Variants in USP31 observed in about 807,000 individuals in gnomAD.
USP31 encodes ubiquitin specific peptidase 31.
USP31 carries 44 observed loss-of-function variants against 119.4 expected under a neutral mutation model. The observed-to-expected ratio is 0.37, with a 90% CI of 0.29 to 0.47. The LOEUF is 0.47. USP31 is among the 20% of genes least tolerant of loss of function. The pLI, the probability that USP31 is intolerant of heterozygous loss-of-function variation, is 0.99. For synonymous variants in USP31, 749 were observed against 705.6 expected (o/e 1.06, Z -0.97); for missense variants, 1,643 against 1,730.2 (o/e 0.95, Z 0.89).
At chr16:23,083,365 A>C (rs1900924515) in intron 11 of USP31, among the ~76,000 whole-genome samples, 1 of 152,162 alleles carries the variant, frequency 6.6e-6, no homozygotes. Context: ...TACAAACAGC[A>C]TGAAGGCAAA....
chr16:23,127,389 A>G (rs1269137579), intron 1 of USP31, among the ~76,000 whole-genome samples: 1 of 152,130 alleles, frequency 6.6e-6, no homozygotes, highest in African/African-American at 2.4e-5. Flanking sequence ...ACTGAACTCC[A>G]CCCTGGGCGA....
At chr16:23,123,238 T>C (rs1185818726) in intron 1 of USP31, among the ~76,000 whole-genome samples, 1 of 152,158 alleles carries the variant, frequency 6.6e-6, no homozygotes, top group East Asian at 1.9e-4. Flanking sequence ...GCATACTTCG[T>C]TCAAAAAGTT....
At chr16:23,086,444 A>G (rs893994642) in intron 9 of USP31, among the ~76,000 whole-genome samples, 10 of 152,226 alleles carry the variant, frequency 6.6e-5, no homozygotes, top group African/African-American at 2.4e-4. Context: ...ATAGAGTATT[A>G]TAACAGATTT....
At chr16:23,085,413 T>C (rs1193406770) in intron 10 of USP31, among the ~76,000 whole-genome samples, 172 bp downstream of exon 10, 2 of 152,164 alleles carry the variant, frequency 1.3e-5, no homozygotes, top group Non-Finnish European at 2.9e-5. Context: ...GAAGAGAGAA[T>C]GTATAGGAAA....
chr16:23,114,628 C>G (rs1268703910), intron 1 of USP31, among the ~76,000 whole-genome samples: 1 of 152,164 alleles, frequency 6.6e-6, no homozygotes, highest in Non-Finnish European at 1.5e-5. Flanking sequence ...CTTCTGTCCA[C>G]GATCACTTCA....
chr16:23,125,331 G>C (rs1902817059), intron 1 of USP31, among the ~76,000 whole-genome samples: 1 of 152,140 alleles, frequency 6.6e-6, no homozygotes, highest in Non-Finnish European at 1.5e-5. Flanking sequence ...AAAAGGAAAA[G>C]AGTAGCCTCT....
chr16:23,095,287 A>T (rs190600118), intron 6 of USP31, among the ~76,000 whole-genome samples: 1 of 152,334 alleles, frequency 6.6e-6, no homozygotes, highest in African/African-American at 2.4e-5. Context: ...CAAGAACACA[A>T]GGTTAGAGAA....
intron 1 of USP31, among the ~76,000 whole-genome samples, chr16:23,142,914 C>T (rs957285344): frequency 6.6e-6 from 1 of 152,116 alleles, no homozygotes; most frequent in African/African-American, 2.4e-5. Flanking sequence ...TATCAGTATA[C>T]TAAAGAGCTT....
rs978000232 is a variant in USP31 at position 23,147,243 on chromosome 16, G to C, written c.633+1395C>G. Reference sequence around the variant, plus strand: ...CCTGCCTCAGCCTCCTGAGTAGCCAGGATAACAGGCATGAACCACCACGCC... The same window carrying C: ...CCTGCCTCAGCCTCCTGAGTAGCCACGATAACAGGCATGAACCACCACGCC... On this transcript the variant is annotated intron_variant, in intron 1 of 15. Coordinates refer to ENST00000219689, the MANE Select transcript of USP31 (RefSeq NM_020718.4). Among the ~76,000 whole-genome samples, 5 of 152,138 alleles carry C rather than the reference G, an allele frequency of 3.3e-5. No individual in the cohort carries two copies. The East Asian group carries it at 9.6e-4, about 29-fold the overall frequency.
rs1336260322 is a variant in USP31, at chr16:23,106,563, A to G, written c.772-76T>C. The G allele has an allele frequency of 1.9e-5, 26 of 1,397,858 alleles. No homozygotes were observed. In the South Asian group the frequency reaches 2.6e-4, roughly 14 times the overall value. The allele number at this position is 1,397,858 out of a possible 1,614,324, so 86.6% of individuals were successfully genotyped here. A position where few individuals can be genotyped will look rare whatever the true frequency, so the allele number is the denominator to read the frequency against. Reference sequence around the variant, plus strand: ...GTTGAAGATGAAGCTAGAGAATCACATATGATCTTGACTTCCTTTACAAGC... The same window carrying G: ...GTTGAAGATGAAGCTAGAGAATCACGTATGATCTTGACTTCCTTTACAAGC... On this transcript the variant is annotated intron_variant, in intron 2 of 15. Transcript: ENST00000219689.
chr16:23,070,137 C>G (rs1359765756), intron 15 of USP31, among the ~76,000 whole-genome samples: 3 of 152,230 alleles, frequency 2.0e-5, no homozygotes, highest in Non-Finnish European at 4.4e-5. Context: ...CTGTGCCCAA[C>G]AGAGCACCTG....
At chr16:23,110,080 T>C (rs748013815) in intron 1 of USP31, among the ~76,000 whole-genome samples, 3 of 152,190 alleles carry the variant, frequency 2.0e-5, no homozygotes, top group Admixed American at 6.5e-5. Context: ...TTCTTAGTTA[T>C]AACAAATGCA....
At position 23,069,071 on chromosome 16, in the gene USP31, G is replaced by C. The variant is rs1316542194; in HGVS notation, c.3034C>G (p.Pro1012Ala). The change falls in exon 16 of 16, where the codon CCA becomes GCA. Residue 1012 changes from proline to alanine, a missense_variant. Pro to Ala is a conservative substitution (Grantham distance 27). Around this residue, in one of 5 missense-constraint regions of USP31, gnomAD observed 699 missense variants for 650.9 expected, o/e 1.07. Transcript: ENST00000219689. ...PVKEVKAPSH[P>A]GSLAKKPEST... is the part of the protein sequence containing the mutation. ...TCTGGTTTCTTTGCGAGTGAGCCTG[G>C]GTGGCTGGGGGCTTTCACCTCTTTG... 1 of 1,612,394 alleles carries C rather than the reference G, an allele frequency of 6.2e-7. No homozygotes were observed. The highest frequency in any genetic ancestry group is 2.2e-5 in the East Asian group (1 of 44,882).
In USP31 at chr16:23,072,241, CG is replaced by C. The variant is rs1268620645; in HGVS notation, c.2336-45del. On this transcript the variant is annotated intron_variant, in intron 14 of 15. Transcript: ENST00000219689. ...GCATAGAGGTCAGGCTGGGGTCCCT[CG>C]GCCAGCCCTGAGCCACACACACCCT... The C allele has an allele frequency of 2.5e-6, 4 of 1,574,856 alleles. No individual in the cohort carries two copies. In the South Asian group the frequency reaches 4.5e-5, roughly 18 times the overall value.
chr16:23,093,411 C>A (rs1433063835), intron 6 of USP31, among the ~76,000 whole-genome samples: 2 of 152,000 alleles, frequency 1.3e-5, no homozygotes, highest in African/African-American at 4.8e-5. Flanking sequence ...ATATAAATGG[C>A]CAAACAAGCA....
At chr16:23,146,681 G>C (rs1312401923) in intron 1 of USP31, among the ~76,000 whole-genome samples, 1 of 152,116 alleles carries the variant, frequency 6.6e-6, no homozygotes, top group Non-Finnish European at 1.5e-5. Flanking sequence ...TAAGATGTAA[G>C]TAAAAAGTAT....
intron 12 of USP31, among the ~76,000 whole-genome samples, chr16:23,080,640 T>C (rs1940638759): frequency 6.6e-6 from 1 of 152,218 alleles, no homozygotes; most frequent in East Asian, 1.9e-4. Context: ...AACACTGTCT[T>C]AGCTTAATAT....
intron 1 of USP31, among the ~76,000 whole-genome samples, chr16:23,122,639 G>A (rs1012673702): frequency 3.3e-5 from 5 of 152,100 alleles, no homozygotes; most frequent in African/African-American, 1.2e-4. Flanking sequence ...AATGTAGTAC[G>A]ATATATACTA....
chr16:23,148,594 A>C, intron 1 of USP31, 44 bp downstream of exon 1: 1 of 1,415,792 alleles, frequency 7.1e-7, no homozygotes, highest in South Asian at 1.5e-5. Context: ...CAGGTGCCCC[A>C]GGGGCTCGGG....
Sources: allele counts gnomAD v4.1 joint callset (sites outside exome capture counted in the v4.1 genomes callset), GRCh38; gene constraint gnomAD v4.1.1; regional missense constraint gnomAD v4.1.1; transcripts MANE v1.5; gene names NCBI Gene and HGNC (gene_info 2026-07-23, HGNC 2026-07-21).